Variants in SH3GL2 observed in about 807,000 individuals in gnomAD.
SH3GL2 encodes endophilin-A1.
SH3GL2 carries 24 observed loss-of-function variants against 46.0 expected under a neutral mutation model. The ratio of observed to expected loss-of-function variants is 0.52; its 90% confidence interval spans 0.38 to 0.73. The LOEUF is 0.73. SH3GL2 is among the 30% of genes least tolerant of loss of function. SH3GL2 has a pLI of 0.00. For missense variants in SH3GL2, 413 were observed against 424.2 expected (o/e 0.97, Z 0.23); for synonymous variants, 196 against 147.1 (o/e 1.33, Z -2.40).
intron 3 of SH3GL2, among the ~76,000 whole-genome samples, chr9:17,784,630 AG>A (rs1823903525): frequency 6.6e-6 from 1 of 152,144 alleles, no homozygotes; most frequent in African/African-American, 2.4e-5. Context: ...GAGCACCTTG[AG>A]GGCTGGGACT....
intron 1 of SH3GL2, chr9:17,589,212 C>G (rs1417219152): frequency 6.6e-6 from 1 of 152,150 alleles, no homozygotes; most frequent in Non-Finnish European, 1.5e-5. Context: ...GTCGTCCAGG[C>G]TGGGGTATAA....
In SH3GL2 at chr9:17,787,464, T is replaced by G. The variant is rs1019297708; in HGVS notation, c.416T>G (p.Phe139Cys). The change falls in exon 5 of 9, where the codon TTC becomes TGC. Residue 139 changes from phenylalanine (F) to cysteine (C), a missense_variant. By Grantham distance (205) the Phe-to-Cys change is radical (BLOSUM62 -2). This residue lies in a region of SH3GL2 where 160 missense variants were observed against 192.3 expected (regional missense o/e 0.83). Coordinates refer to ENST00000380607, the MANE Select transcript of SH3GL2 (RefSeq NM_003026.5). The stretch of plus-strand genomic sequence containing the variant: ...TTGGACATAGAAGTGAAGCAGAACT[T>G]CATTGACCCTCTTCAGAATCTTCAT... ...DSLDIEVKQN[F>C]IDPLQNLHDK... 1.2e-6 allele frequency: 2 copies of G among 1,612,748 alleles called. No homozygotes were observed. The highest frequency in any genetic ancestry group is 1.7e-6 in the Non-Finnish European group (2 of 1,179,008).
At chr9:17,766,389 A>G (rs1007761242) in intron 3 of SH3GL2, among the ~76,000 whole-genome samples, 3 of 152,250 alleles carry the variant, frequency 2.0e-5, no homozygotes, top group African/African-American at 7.2e-5. Context: ...CACAAATTCC[A>G]TTCTACTGGT....
intron 1 of SH3GL2, among the ~76,000 whole-genome samples, chr9:17,746,676 C>T (rs1588297027): frequency 1.3e-5 from 2 of 152,148 alleles, no homozygotes; most frequent in Non-Finnish European, 2.9e-5. Context: ...GTTGAAGAAG[C>T]AGCAGTTTTC....
rs568777826 is a variant in SH3GL2, at chr9:17,599,703, T to C, written c.45+20416T>C. 1.5e-3 allele frequency among the ~76,000 whole-genome samples: 229 copies of C among 152,250 alleles called. 1 individual carries two copies. The highest frequency in any genetic ancestry group is 5.3e-3 in the African/African-American group (219 of 41,556). ...TTGGGGGACAGATTCTAGCCAGGCA[T>C]TTGTAGCATGAACCCATATGTAAAA... On this transcript the variant is annotated intron_variant, in intron 1 of 8. Transcript: ENST00000380607.
At chr9:17,716,962 G>A (rs960093742) in intron 1 of SH3GL2, among the ~76,000 whole-genome samples, 2 of 152,076 alleles carry the variant, frequency 1.3e-5, no homozygotes, top group African/African-American at 4.8e-5. Context: ...TTGATTGGTT[G>A]GTTGGTTTCA....
At chr9:17,655,720 C>T (rs1820058286) in intron 1 of SH3GL2, among the ~76,000 whole-genome samples, 1 of 151,990 alleles carries the variant, frequency 6.6e-6, no homozygotes, top group Admixed American at 6.6e-5. Flanking sequence ...GATTTCATGC[C>T]CTCTGGCCTT....
At chr9:17,674,654 T>C (rs951679809) in intron 1 of SH3GL2, among the ~76,000 whole-genome samples, 4 of 152,128 alleles carry the variant, frequency 2.6e-5, no homozygotes, top group Admixed American at 6.5e-5. Context: ...TTTTGTCTTT[T>C]TAGGGGTCAC....
intron 1 of SH3GL2, among the ~76,000 whole-genome samples, chr9:17,601,746 G>C (rs1310921238): frequency 6.6e-6 from 1 of 152,182 alleles, no homozygotes; most frequent in Non-Finnish European, 1.5e-5. Flanking sequence ...GTACGTTTTA[G>C]GTCATTTTGA....
At chr9:17,725,674 C>G (rs1489929265) in intron 1 of SH3GL2, among the ~76,000 whole-genome samples, 1 of 152,102 alleles carries the variant, frequency 6.6e-6, no homozygotes, top group Non-Finnish European at 1.5e-5. Context: ...TGTGAGTGAG[C>G]TGGGGTTGGG....
At chr9:17,655,366 A>G (rs113026710) in intron 1 of SH3GL2, among the ~76,000 whole-genome samples, 2,391 of 152,128 alleles carry the variant, frequency 0.016, 86 homozygotes, top group African/African-American at 0.054. Context: ...ATGTTTTACT[A>G]CGATCTCTGG....
chr9:17,630,667 G>A (rs1215915059), intron 1 of SH3GL2, among the ~76,000 whole-genome samples: 1 of 152,166 alleles, frequency 6.6e-6, no homozygotes, highest in African/African-American at 2.4e-5. Flanking sequence ...AGAGACTAGG[G>A]CAGGCCAAAG....
At chr9:17,733,294 A>G (rs984667203) in intron 1 of SH3GL2, among the ~76,000 whole-genome samples, 1 of 151,522 alleles carries the variant, frequency 6.6e-6, no homozygotes. Context: ...TTATTATTAT[A>G]CTTTAAGTTT....
intron 1 of SH3GL2, among the ~76,000 whole-genome samples, chr9:17,618,146 A>G (rs1819049694): frequency 6.6e-6 from 1 of 152,158 alleles, no homozygotes; most frequent in African/African-American, 2.4e-5. Flanking sequence ...CTTTCCTGCT[A>G]AAGGGGATGT....
chr9:17,729,321 T>C (rs567260962), intron 1 of SH3GL2, among the ~76,000 whole-genome samples: 2 of 152,298 alleles, frequency 1.3e-5, no homozygotes, highest in African/African-American at 2.4e-5. Flanking sequence ...GATTTTTTTT[T>C]CTTGTAAATT....
chr9:17,608,763 C>T (rs1254251254), intron 1 of SH3GL2, among the ~76,000 whole-genome samples: 4 of 152,116 alleles, frequency 2.6e-5, no homozygotes, highest in African/African-American at 9.7e-5. Context: ...AAGTTATGAA[C>T]CGGATTTGAG....
intron 1 of SH3GL2, among the ~76,000 whole-genome samples, chr9:17,605,733 A>G (rs1008045776): frequency 3.3e-5 from 5 of 152,222 alleles, no homozygotes; most frequent in African/African-American, 1.2e-4. Flanking sequence ...AATAAACTGC[A>G]TGTCATAAAA....
chr9:17,658,058 G>T (rs1447390206), intron 1 of SH3GL2, among the ~76,000 whole-genome samples: 4 of 152,276 alleles, frequency 2.6e-5, no homozygotes, highest in East Asian at 3.9e-4. Context: ...AGGTGAGCAG[G>T]TGCTCCCCTT....
chr9:17,759,925 T>G (rs1257162626), intron 2 of SH3GL2, among the ~76,000 whole-genome samples: 2 of 152,206 alleles, frequency 1.3e-5, no homozygotes, highest in Non-Finnish European at 2.9e-5. Flanking sequence ...ACATGTACCA[T>G]GGAGTTTCAG....
Sources: allele counts gnomAD v4.1 joint callset (sites outside exome capture counted in the v4.1 genomes callset), GRCh38; gene constraint gnomAD v4.1.1; regional missense constraint gnomAD v4.1.1; transcripts MANE v1.5; gene names NCBI Gene and HGNC (gene_info 2026-07-23, HGNC 2026-07-21).